The following CLUL1 variants were observed in gnomAD, a reference collection of about 807,000 sequenced individuals.
The protein encoded by CLUL1 is clusterin like 1, also known as clusterin-like protein 1.
Under a neutral mutation model 49.4 loss-of-function variants are expected in CLUL1, and 43 were observed. That is an observed-to-expected ratio of 0.87 (90% CI 0.68 to 1.12). CLUL1 has a LOEUF of 1.12. Ranked by LOEUF, CLUL1 falls within the 50% of genes most tolerant of loss-of-function variation. The probability of loss-of-function intolerance (pLI) is 0.00; values close to 1 mark genes in which losing one functional copy is unlikely to be tolerated. For missense variants in CLUL1, 486 were observed against 544.4 expected, an observed-to-expected ratio of 0.89 and a Z score of 1.07; for synonymous variants, 192 against 184.9, an observed-to-expected ratio of 1.04 and a Z score of -0.31.
intron 4 of CLUL1, among the ~76,000 whole-genome samples, chr18:621,228 A>G (rs1294412973): frequency 1.3e-5 from 2 of 152,000 alleles, no homozygotes; most frequent in Non-Finnish European, 1.5e-5. Flanking sequence ...AATATTTTCT[A>G]TCTATCCCTC....
At chr18:603,535 CT>C (rs1476801576) in intron 1 of CLUL1, among the ~76,000 whole-genome samples, 1 of 152,160 alleles carries the variant, frequency 6.6e-6, no homozygotes, top group Non-Finnish European at 1.5e-5. Flanking sequence ...ACAATGCACC[CT>C]TTACCCAGCC....
chr18:606,948 T>G lies in CLUL1; in HGVS notation c.-135-30T>G. On this transcript the variant is annotated intron_variant, in intron 1 of 9. Transcript: ENST00000692774. This position sits in a 1 kb window ranked among gnomAD's most constrained non-coding sequence, Gnocchi z 4.1. ...ATAATTTTAGGCGGCTCCCTAAAAT[T>G]TCTTTTCTTTTTTCTTTTCTTTTCT... The G allele has an allele frequency of 1.7e-6, 1 of 602,612 alleles. No individual in the cohort carries two copies. Among genetic ancestry groups the G allele is most frequent in the East Asian group, 2.8e-5 (1 of 35,974 alleles). The allele number at this position is 602,612 out of a possible 1,614,324, so 37.3% of individuals were successfully genotyped here.
At position 608,035 on chromosome 18, in the gene CLUL1, C is replaced by T. The variant is rs1021918022; in HGVS notation, c.-14+936C>T. On this transcript the variant is annotated intron_variant, in intron 2 of 9. Coordinates refer to ENST00000692774, the MANE Select transcript of CLUL1 (RefSeq NM_001393344.1). ...AGTGCAGAGGGATGAACTGCCGTCC[C>T]GCCACCTAAAAAGCATTAGTGACCA... is the stretch of plus-strand genomic sequence containing the variant. Among the ~76,000 whole-genome samples the T allele has an allele frequency of 1.3e-4, 20 of 152,180 alleles. 1 individual carries two copies. Among genetic ancestry groups the T allele is most frequent in the Admixed American group, 1.2e-3 (18 of 15,278 alleles).
intron 7 of CLUL1, among the ~76,000 whole-genome samples, chr18:639,892 T>A (rs1313269725): frequency 6.6e-6 from 1 of 152,032 alleles, no homozygotes; most frequent in Non-Finnish European, 1.5e-5. Context: ...GTCAAAGAAG[T>A]ATAAGAGAGA....
intron 7 of CLUL1, among the ~76,000 whole-genome samples, chr18:634,297 T>C (rs1454895729): frequency 6.6e-6 from 1 of 151,568 alleles, no homozygotes; most frequent in Non-Finnish European, 1.5e-5. Context: ...GCCCGGCTAA[T>C]TTTTTTTGTA....
chr18:635,685 C>CT (rs139624036), intron 7 of CLUL1, among the ~76,000 whole-genome samples: 16,563 of 152,080 alleles, frequency 0.11, 1,131 homozygotes, highest in African/African-American at 0.18. Flanking sequence ...CCTCCCTTGG[C>CT]TTTCTCTCCT....
At chr18:638,487 G>A (rs2074224231) in intron 7 of CLUL1, among the ~76,000 whole-genome samples, 2 of 152,178 alleles carry the variant, frequency 1.3e-5, no homozygotes, top group Non-Finnish European at 2.9e-5. Context: ...AAGGTAAAAT[G>A]TAAAGAATGT....
At chr18:603,467 AT>A (rs59890234) in intron 1 of CLUL1, among the ~76,000 whole-genome samples, 3 of 152,216 alleles carry the variant, frequency 2.0e-5, no homozygotes, top group Non-Finnish European at 4.4e-5. Flanking sequence ...ACTTAAAAAA[AT>A]TTTTTTTGAA....
intron 6 of CLUL1, among the ~76,000 whole-genome samples, chr18:629,359 A>G (rs2073918127): frequency 6.6e-6 from 1 of 152,202 alleles, no homozygotes; most frequent in Admixed American, 6.5e-5. Context: ...TTGGAATAAC[A>G]CTGAGAATAT....
intron 2 of CLUL1, among the ~76,000 whole-genome samples, chr18:611,612 AG>A (rs149529024): frequency 3.3e-3 from 498 of 152,300 alleles, no homozygotes; most frequent in African/African-American, 0.011. Flanking sequence ...TTAAAAATTA[AG>A]GGAAAGGTAA....
intron 9 of CLUL1, among the ~76,000 whole-genome samples, chr18:645,806 A>ATATAT (rs1444864133): frequency 3.9e-5 from 2 of 51,854 alleles, no homozygotes; most frequent in Non-Finnish European, 7.2e-5. Flanking sequence ...AAAAAAAAAA[A>ATATAT]AAAAATATAT....
intron 1 of CLUL1, among the ~76,000 whole-genome samples, chr18:602,891 G>C (rs921421050): frequency 6.6e-6 from 1 of 152,190 alleles, no homozygotes; most frequent in South Asian, 2.1e-4. Flanking sequence ...GCTAGAGGTG[G>C]AGTGGAAAAG....
At chr18:624,825 A>C in intron 4 of CLUL1, 40 bp from the exon 5 acceptor site, 1 of 1,600,376 alleles carries the variant, frequency 6.2e-7, no homozygotes, top group South Asian at 1.1e-5. Flanking sequence ...CACATAGATT[A>C]TGAAATGGAA....
At chr18:621,049 C>T (rs182264336) in intron 4 of CLUL1, among the ~76,000 whole-genome samples, 4 of 152,126 alleles carry the variant, frequency 2.6e-5, no homozygotes, top group South Asian at 4.1e-4. Context: ...CCATCATAAC[C>T]ATTTTTAAGT....
intron 2 of CLUL1, among the ~76,000 whole-genome samples, chr18:613,464 T>G (rs1178905752): frequency 6.7e-6 from 1 of 150,084 alleles, no homozygotes; most frequent in African/African-American, 2.5e-5. Context: ...CTGAATTTTT[T>G]TTTTTTTTGA....
In CLUL1 at chr18:649,025, T is replaced by C. The variant is rs1598455065; in HGVS notation, c.1398-873T>C. ...TATCTTATTGTTATAATTTTTATGG[T>C]TTTTTATTATTCATGAGAATAAACA... On this transcript the variant is annotated intron_variant, in intron 9 of 9. Coordinates refer to ENST00000692774, the MANE Select transcript of CLUL1 (RefSeq NM_001393344.1). Among the ~76,000 whole-genome samples the C allele has an allele frequency of 4.6e-5, 7 of 152,286 alleles. No individual in the cohort carries two copies. The South Asian group carries it at 1.5e-3, about 32-fold the overall frequency.
chr18:648,682 A>G (rs2074587239), intron 9 of CLUL1, among the ~76,000 whole-genome samples: 1 of 152,090 alleles, frequency 6.6e-6, no homozygotes, highest in African/African-American at 2.4e-5. Flanking sequence ...TTTTTGAGAC[A>G]GTCTCTCTCT....
At chr18:636,092 A>G (rs74520815) in intron 7 of CLUL1, among the ~76,000 whole-genome samples, 16,609 of 152,230 alleles carry the variant, frequency 0.11, 1,139 homozygotes, top group African/African-American at 0.19. Flanking sequence ...CTTTTAAAGT[A>G]TCATTAGATA....
chr18:639,844 A>G (rs959555557), intron 7 of CLUL1, among the ~76,000 whole-genome samples: 5 of 152,150 alleles, frequency 3.3e-5, no homozygotes, highest in African/African-American at 1.2e-4. Flanking sequence ...TGACTATGTA[A>G]CTTATTAATG....
Sources: allele counts gnomAD v4.1 joint callset (sites outside exome capture counted in the v4.1 genomes callset), GRCh38; gene constraint gnomAD v4.1.1; non-coding constraint Gnocchi (gnomAD v3.1); transcripts MANE v1.5; gene names NCBI Gene and HGNC (gene_info 2026-07-23, HGNC 2026-07-21).